MCU: variants seen among roughly 807,000 people sequenced by gnomAD.
The protein encoded by MCU is mitochondrial calcium uniporter, also known as calcium uniporter protein, mitochondrial.
MCU carries 12 observed loss-of-function variants against 45.2 expected under a neutral mutation model. That is an observed-to-expected ratio of 0.27 (90% CI 0.17 to 0.43). The LOEUF (loss-of-function observed/expected upper bound fraction) is 0.43. MCU is among the 20% of genes least tolerant of loss of function. The probability of loss-of-function intolerance (pLI) is 1.00; values close to 1 mark genes in which losing one functional copy is unlikely to be tolerated. For synonymous variants in MCU, 160 were observed against 165.1 expected (o/e 0.97, Z 0.24); for missense variants, 324 against 436.7 (o/e 0.74, Z 2.30).
chr10:72,885,652 A>G (rs922424635), intron 7 of MCU, 93 bp from the exon 8 acceptor site: 20 of 795,828 alleles, frequency 2.5e-5, no homozygotes, highest in Middle Eastern at 2.7e-4. Context: ...TCTCTGACTT[A>G]TAGTAATGGA....
At chr10:72,772,663 C>T (rs533274444) in intron 1 of MCU, among the ~76,000 whole-genome samples, 11 of 152,318 alleles carry the variant, frequency 7.2e-5, no homozygotes, top group African/African-American at 2.6e-4. Flanking sequence ...TGCCACTGCA[C>T]TCCAGCCTGG....
intron 1 of MCU, among the ~76,000 whole-genome samples, chr10:72,798,290 A>G (rs569455249): frequency 1.3e-5 from 2 of 151,908 alleles, no homozygotes; most frequent in South Asian, 4.2e-4. Context: ...GGTGCCCACT[A>G]TTTGTTTGTT....
chr10:72,812,877 CA>C, intron 1 of MCU, among the ~76,000 whole-genome samples: 1 of 152,078 alleles, frequency 6.6e-6, no homozygotes. Context: ...TGAGTAAATT[CA>C]AAAATATGCA....
chr10:72,837,192 A>G (rs1409023955), intron 2 of MCU, among the ~76,000 whole-genome samples: 2 of 151,586 alleles, frequency 1.3e-5, no homozygotes, highest in Non-Finnish European at 2.9e-5. Flanking sequence ...AACAGGTTCT[A>G]GATTTTTTTT....
chr10:72,791,088 T>G (rs939265428), intron 1 of MCU, among the ~76,000 whole-genome samples: 3 of 152,164 alleles, frequency 2.0e-5, no homozygotes, highest in African/African-American at 4.8e-5. Flanking sequence ...GGCAAACATA[T>G]ATTAAAATTT....
intron 2 of MCU, among the ~76,000 whole-genome samples, chr10:72,841,336 C>T (rs1845044215): frequency 6.6e-6 from 1 of 151,804 alleles, no homozygotes; most frequent in Non-Finnish European, 1.5e-5. Context: ...GAGTTTTGCT[C>T]TTGTCACCAG....
At chr10:72,714,788 C>A (rs1842938100) in intron 1 of MCU, among the ~76,000 whole-genome samples, 1 of 139,278 alleles carries the variant, frequency 7.2e-6, no homozygotes, top group Non-Finnish European at 1.5e-5. Flanking sequence ...AGGTGATCTG[C>A]CCCCCCCTTG....
intron 4 of MCU, among the ~76,000 whole-genome samples, chr10:72,865,775 G>GTT (rs557281847): frequency 6.5e-5 from 8 of 123,634 alleles, no homozygotes; most frequent in South Asian, 2.7e-4. Context: ...TTTTTTTTTT[G>GTT]TTTTTTTTTT....
intron 1 of MCU, among the ~76,000 whole-genome samples, chr10:72,726,306 GATC>G (rs1429626447): frequency 1.3e-5 from 2 of 150,300 alleles, no homozygotes; most frequent in Non-Finnish European, 3.0e-5. Flanking sequence ...TGTAAAATTG[GATC>G]ATATTTGCAT....
chr10:72,816,977 C>G (rs1057412616), intron 1 of MCU, among the ~76,000 whole-genome samples: 2 of 152,122 alleles, frequency 1.3e-5, no homozygotes, highest in Admixed American at 6.5e-5. Flanking sequence ...TATTTCTTTA[C>G]TAGTGATTTA....
intron 1 of MCU, among the ~76,000 whole-genome samples, chr10:72,822,584 A>C (rs1329623749): frequency 6.6e-6 from 1 of 152,244 alleles, no homozygotes; most frequent in Non-Finnish European, 1.5e-5. Context: ...GTCAGTAAGC[A>C]TATGAAAAGA....
chr10:72,692,676 C>T, intron 1 of MCU: 1 of 1,207,674 alleles, frequency 8.3e-7, no homozygotes, highest in East Asian at 4.1e-5. Flanking sequence ...TGGAAGTTGT[C>T]CCCTTTCCCT....
intron 6 of MCU, among the ~76,000 whole-genome samples, chr10:72,871,793 G>T (rs760851632): frequency 7.2e-5 from 11 of 152,190 alleles, no homozygotes; most frequent in Non-Finnish European, 1.5e-4. Context: ...CCCTCATGGA[G>T]CTCACAAACT....
chr10:72,772,196 T>C (rs765200753), intron 1 of MCU, among the ~76,000 whole-genome samples: 10 of 152,194 alleles, frequency 6.6e-5, no homozygotes, highest in Non-Finnish European at 1.2e-4. Flanking sequence ...TGCCAAATCA[T>C]AGTGGCTGTT....
Position 72,756,851 on chromosome 10 carries a change from A to C in MCU, c.150+64550A>C, listed in dbSNP as rs551851406. 4 of 151,778 alleles carry C rather than the reference A, an allele frequency of 2.6e-5. No homozygotes were observed. The East Asian group carries it at 7.8e-4, about 29-fold the overall frequency. 9.4% of individuals were successfully genotyped at this position (151,778 alleles called of 1,614,324 possible). On this transcript the variant is annotated intron_variant, in intron 1 of 7. Coordinates refer to ENST00000373053, the MANE Select transcript of MCU (RefSeq NM_138357.3). Reference sequence around the variant, plus strand: ...AGAGTTTTGATCTCAGAGTTCATCAACTCAAGCTTTTGCTTTTTATTTGTA... The same window carrying C: ...AGAGTTTTGATCTCAGAGTTCATCACCTCAAGCTTTTGCTTTTTATTTGTA...
intron 1 of MCU, among the ~76,000 whole-genome samples, chr10:72,702,079 A>C (rs1842765344): frequency 1.3e-5 from 2 of 151,476 alleles, no homozygotes; most frequent in Admixed American, 6.6e-5. Flanking sequence ...ATCTCTATTA[A>C]AAATACAAAA....
chr10:72,701,193 A>G (rs1230697544), intron 1 of MCU, among the ~76,000 whole-genome samples: 2 of 152,212 alleles, frequency 1.3e-5, no homozygotes, highest in Admixed American at 6.6e-5. Flanking sequence ...AGCTTGAACC[A>G]CTTGGTTTCT....
Position 72,859,357 on chromosome 10 carries a change from C to A in MCU, c.391+10C>A, listed in dbSNP as rs368714312. Reference sequence around the variant, plus strand: ...GCTATCTATTCACCAGGTATAGTCACCATCATTATTAATTACCATCTATCC... The same window carrying A: ...GCTATCTATTCACCAGGTATAGTCAACATCATTATTAATTACCATCTATCC... On this transcript the variant is annotated intron_variant, in intron 3 of 7. Coordinates refer to ENST00000373053, the MANE Select transcript of MCU (RefSeq NM_138357.3). 6.3e-6 allele frequency: 10 copies of A among 1,599,214 alleles called. No individual in the cohort carries two copies. Among genetic ancestry groups the A allele is most frequent in the African/African-American group, 1.3e-5 (1 of 74,508 alleles).
chr10:72,705,975 T>A (rs890142290), intron 1 of MCU, among the ~76,000 whole-genome samples: 1 of 144,162 alleles, frequency 6.9e-6, no homozygotes, highest in Non-Finnish European at 1.6e-5. Flanking sequence ...AGAGCAAGAC[T>A]CTCTCTCAAA....
Sources: allele counts gnomAD v4.1 joint callset (sites outside exome capture counted in the v4.1 genomes callset), GRCh38; gene constraint gnomAD v4.1.1; transcripts MANE v1.5; gene names NCBI Gene and HGNC (gene_info 2026-07-23, HGNC 2026-07-21).